The following SMG1 variants were observed in gnomAD, a reference collection of about 807,000 sequenced individuals.
The protein encoded by SMG1 is serine/threonine-protein kinase SMG1.
Under a neutral mutation model 419.9 loss-of-function variants are expected in SMG1, and 22 were observed. The observed-to-expected ratio is 0.05, with a 90% confidence interval of 0.04 to 0.07. SMG1 has a LOEUF of 0.07. Among genes scored for constraint, SMG1 ranks in the 10% least tolerant of loss-of-function variants. The pLI, the probability that SMG1 is intolerant of heterozygous loss-of-function variation, is 1.00. For synonymous variants in SMG1, 1,538 were observed against 1,553.5 expected (o/e 0.99, Z 0.23); for missense variants, 3,185 against 4,342.0 (o/e 0.73, Z 7.49).
At chr16:18,912,818 C>T (rs559910764) in intron 1 of SMG1, among the ~76,000 whole-genome samples, 38 of 152,162 alleles carry the variant, frequency 2.5e-4, no homozygotes, top group Non-Finnish European at 4.7e-4. Flanking sequence ...ATATAAACTA[C>T]GACTTCAGGT....
At chr16:18,887,762 T>TAAAAAAAAAAAAAAAAAAAAA (rs57393561) in intron 6 of SMG1, among the ~76,000 whole-genome samples, 1 of 38,296 alleles carries the variant, frequency 2.6e-5, no homozygotes. Context: ...TCAAAAACAG[T>TAAAAAAAAAAAAAAAAAAAAA]AAAAAAAAAA....
At position 18,871,005 on chromosome 16, in the gene SMG1, C is replaced by G. The variant is rs2035788815; in HGVS notation, c.2303-117G>C. ...ACAAAGAGTGAGTGCCTACTATAGA[C>G]TAGGCACTACTCTTGTCCAGAATTC... On this transcript the variant is annotated intron_variant, in intron 16 of 62. Transcript: ENST00000446231. 4.6e-6 allele frequency: 3 copies of G among 656,888 alleles called. No homozygotes were observed. The Admixed American group carries it at 8.5e-5, about 19-fold the overall frequency. The allele number at this position is 656,888 out of a possible 1,614,324, so 40.7% of individuals were successfully genotyped here.
At chr16:18,909,368 TAAATAA>T (rs2037706411) in intron 1 of SMG1, among the ~76,000 whole-genome samples, 1 of 150,856 alleles carries the variant, frequency 6.6e-6, no homozygotes, top group Non-Finnish European at 1.5e-5. Flanking sequence ...TAAAATAAAA[TAAATAA>T]AAATAAAAAT....
At position 18,833,008 on chromosome 16, in the gene SMG1, C is replaced by A. The variant is rs769623381; in HGVS notation, c.8724G>T (p.Gln2908His). The change falls in exon 51 of 63, where the codon CAG (glutamine) becomes CAT (histidine). Residue 2908 changes from glutamine (Q) to histidine (H), a missense_variant. By Grantham distance (24) the Gln-to-His change is conservative. This residue lies in a region of SMG1 where 737 missense variants were observed against 846.6 expected (regional missense o/e 0.87). Transcript: ENST00000446231. The stretch of plus-strand genomic sequence containing the variant: ...CCATAGCTGCGTTTCTTAAGTAGGC[C>A]TGAAGAGATTCCACTAGAGTCTGCA... Reference protein sequence around the residue: ...VPLQTLVESLQAYLRNAAMGL... With the variant: ...VPLQTLVESLHAYLRNAAMGL... The A allele has an allele frequency of 1.9e-6, 3 of 1,613,822 alleles. No homozygotes were observed. The highest frequency in any genetic ancestry group is 2.5e-6 in the Non-Finnish European group (3 of 1,179,904).
intron 39 of SMG1, 101 bp from the exon 40 acceptor site, chr16:18,842,555 C>G: frequency 8.5e-7 from 1 of 1,172,042 alleles, no homozygotes; most frequent in African/African-American, 1.5e-5. Context: ...GTCACGGCGG[C>G]AGCTCATGCC....
intron 10 of SMG1, among the ~76,000 whole-genome samples, chr16:18,881,588 A>G (rs1567418956): frequency 1.3e-5 from 2 of 152,326 alleles, no homozygotes; most frequent in East Asian, 1.9e-4. Flanking sequence ...AAAGCAGAGT[A>G]CAATGCCTGG....
intron 1 of SMG1, among the ~76,000 whole-genome samples, chr16:18,899,345 A>C (rs955948031): frequency 7.9e-5 from 12 of 151,842 alleles, no homozygotes; most frequent in Non-Finnish European, 1.6e-4. Context: ...TTTTTTTCCC[A>C]AAAAAAATTT....
Position 18,847,615 on chromosome 16 carries a change from C to A in SMG1, c.5842-8G>T. Reference sequence around the variant, plus strand: ...AGCCACGAGCATCTGAACCTGCATACACAGCACACCCAAATAGCTCATCTA... The same window carrying A: ...AGCCACGAGCATCTGAACCTGCATAAACAGCACACCCAAATAGCTCATCTA... On this transcript the variant is annotated splice_polypyrimidine_tract_variant and splice_region_variant and intron_variant, in intron 37 of 62. Transcript: ENST00000446231. 3 of 1,613,868 alleles carry A rather than the reference C, an allele frequency of 1.9e-6. No homozygotes were observed. Among genetic ancestry groups the A allele is most frequent in the Non-Finnish European group, 2.5e-6 (3 of 1,179,832 alleles).
chr16:18,838,762 A>G (rs2033736268), intron 42 of SMG1, 73 bp from the exon 43 acceptor site: 3 of 983,130 alleles, frequency 3.1e-6, no homozygotes, highest in African/African-American at 1.6e-5. Flanking sequence ...ACGTGATACT[A>G]TAAAATTTAC....
At chr16:18,923,074 T>C (rs2038259056) in intron 1 of SMG1, among the ~76,000 whole-genome samples, 1 of 151,840 alleles carries the variant, frequency 6.6e-6, no homozygotes, top group South Asian at 2.1e-4. Context: ...AGCAAGACCC[T>C]GTTCTCAAAA....
At position 18,805,461 on chromosome 16, in the gene SMG1, C is replaced by T. The variant is rs373821104; in HGVS notation, c.*4108G>A. ...GGAAGGCAAACGACCCTAAGTAGTT[C>T]ATATTTTACAGCCCTTGAACTTATA... On this transcript the variant is annotated 3_prime_UTR_variant, in exon 63 of 63. Coordinates refer to ENST00000446231, the MANE Select transcript of SMG1 (RefSeq NM_015092.5). The T allele has an allele frequency of 2.0e-5, 3 of 152,314 alleles. No individual in the cohort carries two copies. Among genetic ancestry groups the T allele is most frequent in the East Asian group, 3.9e-4 (2 of 5,192 alleles). 9.4% of individuals were successfully genotyped at this position (152,314 alleles called of 1,614,324 possible).
chr16:18,872,252 T>C lies in SMG1; in HGVS notation c.2115A>G (p.Lys705=). ...VISTVTTATK[K]HFSIILNLLG... is the part of the protein sequence containing the mutation. ...GAAGATTTAATATAATTGAGAAATG[T>C]TTCTTTGTAGCCGTAGTTACAGTGC... The change falls in exon 15 of 63, where the codon AAA becomes AAG. Residue 705 remains lysine, a synonymous_variant. Coordinates refer to ENST00000446231, the MANE Select transcript of SMG1 (RefSeq NM_015092.5). The C allele has an allele frequency of 1.3e-6, 2 of 1,594,466 alleles. No homozygotes were observed. The highest frequency in any genetic ancestry group is 1.7e-6 in the Non-Finnish European group (2 of 1,166,814).
chr16:18,841,416 A>AT, intron 41 of SMG1, 149 bp downstream of exon 41: 1 of 650,358 alleles, frequency 1.5e-6, no homozygotes, highest in Non-Finnish European at 2.6e-6. Context: ...AAAAAAAAAA[A>AT]AAGTACCTCA....
intron 50 of SMG1, among the ~76,000 whole-genome samples, chr16:18,833,630 ATT>A (rs1239516720): frequency 6.6e-6 from 1 of 152,174 alleles, no homozygotes; most frequent in Non-Finnish European, 1.5e-5. Flanking sequence ...AAAATATATA[ATT>A]TGTTATACTT....
chr16:18,844,581 C>CACACACACACACAT (rs2141327976), intron 39 of SMG1, among the ~76,000 whole-genome samples: 1 of 139,788 alleles, frequency 7.2e-6, no homozygotes, highest in Non-Finnish European at 1.6e-5. Context: ...CACACACACA[C>CACACACACACACAT]ACGGAAACTC....
intron 6 of SMG1, among the ~76,000 whole-genome samples, chr16:18,887,778 A>T (rs1443793687): frequency 1.6e-5 from 1 of 62,828 alleles, no homozygotes; most frequent in Non-Finnish European, 4.1e-5. Context: ...AAAAAAAAAA[A>T]AAAAAAAAAA....
chr16:18,841,602 C>G lies in SMG1; in HGVS notation c.6659G>C (p.Arg2220Pro). 6.2e-7 allele frequency: 1 copy of G among 1,613,894 alleles called. No individual in the cohort carries two copies. Among genetic ancestry groups the G allele is most frequent in the Non-Finnish European group, 8.5e-7 (1 of 1,179,886 alleles). The part of the protein sequence containing the change: ...GATPLFGLYK[R>P]WQQREAALQA... ...TAAGGCAGCTTCCCGTTGTTGCCAT[C>G]GTTTGTAAAGACCAAATAAGGGTGT... Residue 2220 changes from arginine to proline, a missense_variant, in exon 41 of 63, where the codon CGA becomes CCA. Physicochemically the swap from Arg to Pro is moderately radical, Grantham distance 103 (BLOSUM62 -2). Transcript: ENST00000446231.
rs2035647186 is a variant in SMG1, at chr16:18,868,635, T to C, written c.2918A>G (p.His973Arg). 3 of 1,582,312 alleles carry C rather than the reference T, an allele frequency of 1.9e-6. No homozygotes were observed. The highest frequency in any genetic ancestry group is 1.1e-5 in the South Asian group (1 of 90,646). Residue 973 changes from histidine (H) to arginine (R), a missense_variant, in exon 21 of 63, where the codon CAT (histidine) becomes CGT (arginine). His to Arg is a conservative substitution (Grantham distance 29). This residue lies in a region of SMG1 where 70 missense variants were observed against 185.7 expected (regional missense o/e 0.38). Coordinates refer to ENST00000446231, the MANE Select transcript of SMG1 (RefSeq NM_015092.5). The stretch of plus-strand genomic sequence containing the variant: ...AACAAGTCTAAGTTGGTTGTTACCA[T>C]GGCCTTCATCATTGTCTGCAGTTGT... ...QWTTADNDEG[H>R]GNNQLRLVLL...
At chr16:18,902,763 C>T (rs1168856717) in intron 1 of SMG1, among the ~76,000 whole-genome samples, 1 of 151,716 alleles carries the variant, frequency 6.6e-6, no homozygotes, top group Non-Finnish European at 1.5e-5. Flanking sequence ...GTATTAGATG[C>T]AAGGGTCATC....
Sources: allele counts gnomAD v4.1 joint callset (sites outside exome capture counted in the v4.1 genomes callset), GRCh38; gene constraint gnomAD v4.1.1; regional missense constraint gnomAD v4.1.1; transcripts MANE v1.5; gene names NCBI Gene and HGNC (gene_info 2026-07-23, HGNC 2026-07-21).